Variants in CCNB3 observed in about 807,000 individuals in gnomAD.
CCNB3 encodes cyclin B3.
Under a neutral mutation model 68.0 loss-of-function variants are expected in CCNB3, and 12 were observed. That is an observed-to-expected ratio of 0.18 (90% CI 0.11 to 0.29). The LOEUF (loss-of-function observed/expected upper bound fraction) is 0.29, where lower values mean the gene tolerates loss of function less well. Ranked by LOEUF, CCNB3 falls within the 10% of genes least tolerant of loss-of-function variation. CCNB3 has a pLI of 1.00. For synonymous variants in CCNB3, 354 were observed against 388.9 expected (o/e 0.91, Z 1.06); for missense variants, 904 against 993.1 (o/e 0.91, Z 1.21).
intron 8 of CCNB3, among the ~76,000 whole-genome samples, chrX:50,318,889 G>T (rs1557216220): frequency 9.0e-6 from 1 of 111,582 alleles, no homozygotes; most frequent in African/African-American, 3.3e-5. Context: ...AACATGCTAG[G>T]CACAGAGTGT....
At chrX:50,219,251 C>T (rs1935632937) in intron 1 of CCNB3, among the ~76,000 whole-genome samples, 1 of 111,712 alleles carries the variant, frequency 9.0e-6, no homozygotes, top group Non-Finnish European at 1.9e-5. Context: ...GTTTATTTTG[C>T]TGTGCAGAAG....
intron 1 of CCNB3, among the ~76,000 whole-genome samples, chrX:50,206,207 C>T (rs1282873074): frequency 9.0e-6 from 1 of 110,749 alleles, no homozygotes; most frequent in African/African-American, 3.3e-5. Context: ...GGCGCCACTG[C>T]ACTCCAGCCT....
At chrX:50,227,582 C>T (rs1485718690) in intron 1 of CCNB3, among the ~76,000 whole-genome samples, 4 of 22,229 alleles carry the variant, frequency 1.8e-4, no homozygotes, top group Non-Finnish European at 3.3e-4. Context: ...GGAGAGATAA[C>T]ATACAAATAT....
upstream of CCNB3, chrX:50,202,740 C>T (rs782152867): frequency 3.6e-5 from 4 of 111,771 alleles, no homozygotes; most frequent in Non-Finnish European, 7.5e-5. Flanking sequence ...AAAGAGAGAA[C>T]TACTATGGAT....
At chrX:50,214,475 C>CATATAT (rs1184201216) in intron 1 of CCNB3, among the ~76,000 whole-genome samples, 415 of 9,452 alleles carry the variant, frequency 0.044, 32 homozygotes, top group African/African-American at 0.05. Flanking sequence ...AGCTGTGGCC[C>CATATAT]ATATATATAT....
intron 1 of CCNB3, among the ~76,000 whole-genome samples, chrX:50,227,290 G>GTACAGAATATATATAAATATACA (rs1195736977): frequency 1.3e-5 from 1 of 76,070 alleles, no homozygotes; most frequent in Non-Finnish European, 2.4e-5. Context: ...ATAAATACAT[G>GTACAGAATATATATAAATATACA]TACAGAATAT....
intron 1 of CCNB3, among the ~76,000 whole-genome samples, chrX:50,224,914 C>A (rs1231149512): frequency 2.7e-5 from 3 of 111,291 alleles, no homozygotes; most frequent in Non-Finnish European, 5.7e-5. Context: ...TCCTCATCTG[C>A]AAATGGGGAT....
chrX:50,307,376 G>A (rs1485333177), intron 5 of CCNB3, among the ~76,000 whole-genome samples: 4 of 111,033 alleles, frequency 3.6e-5, no homozygotes, highest in Admixed American at 1.9e-4. Flanking sequence ...CTTGCCCAAG[G>A]TCACCCAGTC....
At position 50,280,927 on chromosome X, in the gene CCNB3, A is replaced by G. The variant is rs1004166767; in HGVS notation, c.-112-3615A>G. 4.7e-3 allele frequency among the ~76,000 whole-genome samples: 514 copies of G among 109,197 alleles called. 3 individuals carry two copies. Among genetic ancestry groups the G allele is most frequent in the African/African-American group, 0.016 (485 of 30,058 alleles). 94.8% of individuals were successfully genotyped at this position (109,197 alleles called of 115,157 possible). A position where few individuals can be genotyped will look rare whatever the true frequency, so the allele number is the denominator to read the frequency against. On this transcript the variant is annotated intron_variant, in intron 1 of 12. Transcript: ENST00000376042. ...GGTACGCGCCACTACGCTCCGACTG[A>G]TTTTTGTATCTTTTGTAGAGATGGG...
chrX:50,347,444 C>A (rs1448463610), intron 10 of CCNB3, among the ~76,000 whole-genome samples, 182 bp from the exon 11 acceptor site: 1 of 109,214 alleles, frequency 9.2e-6, no homozygotes, highest in African/African-American at 3.3e-5. Context: ...GTTTCAGAAT[C>A]CCCCCTAAAG....
rs1320301508 is a variant in CCNB3, at chrX:50,211,499, G to A, written c.-113+6549G>A. ...AGCCTGGGTAACATAGCAAAACCTCGGTCTCTACCAAACAAACAAACAAAC... is the reference window on the plus strand; with the variant it reads ...AGCCTGGGTAACATAGCAAAACCTCAGTCTCTACCAAACAAACAAACAAAC... On this transcript the variant is annotated intron_variant, in intron 1 of 12. Transcript: ENST00000376042. Among the ~76,000 whole-genome samples the A allele has an allele frequency of 3.6e-5, 4 of 110,682 alleles. No individual in the cohort carries two copies. In the East Asian group the frequency reaches 8.5e-4, roughly 24 times the overall value.
At chrX:50,291,910 T>A (rs952027889) in intron 4 of CCNB3, among the ~76,000 whole-genome samples, 1 of 111,780 alleles carries the variant, frequency 8.9e-6, no homozygotes, top group African/African-American at 3.2e-5. Flanking sequence ...TACAAAGACA[T>A]ACTTTTTTTT....
At chrX:50,311,882 A>G (rs180756877) in intron 6 of CCNB3, among the ~76,000 whole-genome samples, 2 of 110,823 alleles carry the variant, frequency 1.8e-5, no homozygotes, top group East Asian at 2.9e-4. Context: ...ATCAGAAAGT[A>G]TTTATTCCAG....
At chrX:50,301,609 C>T (rs1325044211) in intron 5 of CCNB3, among the ~76,000 whole-genome samples, 2 of 112,386 alleles carry the variant, frequency 1.8e-5, no homozygotes, top group African/African-American at 3.2e-5. Context: ...GCAGTCTGCC[C>T]GTTCTCAGAT....
At position 50,309,130 on chromosome X, in the gene CCNB3, A is replaced by T; in HGVS notation, c.961A>T (p.Thr321Ser). The change falls in exon 6 of 13, where the codon ACT (threonine) becomes TCT (serine). Residue 321 changes from threonine to serine, a missense_variant. Thr to Ser is a moderately conservative substitution (Grantham distance 58). Coordinates refer to ENST00000376042, the MANE Select transcript of CCNB3 (RefSeq NM_033031.3). ...AATGTCCTCCATTAAGAAGCCTACCACTGAGAAGGAGACACTTTTCCAAGA... is the reference window on the plus strand; with the variant it reads ...AATGTCCTCCATTAAGAAGCCTACCTCTGAGAAGGAGACACTTTTCCAAGA... ...GAMSSIKKPT[T>S]EKETLFQELS... 1 of 1,210,869 alleles carries T rather than the reference A, an allele frequency of 8.3e-7. No homozygotes were observed. The highest frequency in any genetic ancestry group is 1.8e-5 in the South Asian group (1 of 56,912).
intron 8 of CCNB3, among the ~76,000 whole-genome samples, chrX:50,323,336 G>T (rs1283473876): frequency 9.4e-6 from 1 of 106,714 alleles, no homozygotes; most frequent in Non-Finnish European, 1.9e-5. Context: ...ACCAAACACC[G>T]CATGTTCTCA....
chrX:50,324,334 A>G (rs112567785), intron 8 of CCNB3, among the ~76,000 whole-genome samples: 1,493 of 112,339 alleles, frequency 0.013, 20 homozygotes, highest in African/African-American at 0.047. Context: ...GGTGTGAGCC[A>G]CTGTGCCTGG....
At chrX:50,203,976 T>C (rs782572573), upstream of CCNB3, among the ~76,000 whole-genome samples, 12 of 111,650 alleles carry the variant, frequency 1.1e-4, no homozygotes, top group Non-Finnish European at 2.1e-4. Context: ...CTAGAACATT[T>C]GCTTATTGTC....
intron 8 of CCNB3, among the ~76,000 whole-genome samples, chrX:50,335,992 T>C (rs1244857882): frequency 9.0e-6 from 1 of 111,221 alleles, no homozygotes; most frequent in Non-Finnish European, 1.9e-5. Context: ...AATGGTTTCC[T>C]TGGATAAGGG....
Sources: gnomAD v4.1 joint callset for allele counts (sites outside exome capture counted in the v4.1 genomes callset) on GRCh38, gnomAD v4.1.1 for gene constraint, MANE v1.5 for transcripts, NCBI Gene and HGNC (gene_info 2026-07-23, HGNC 2026-07-21) for gene names.